ADGRB3: variants seen among roughly 807,000 people sequenced by gnomAD.
ADGRB3 encodes adhesion G protein-coupled receptor B3.
A neutral mutation model predicts 193.4 loss-of-function variants in ADGRB3; 37 were observed. The ratio of observed to expected loss-of-function variants is 0.19; its 90% CI spans 0.15 to 0.25. The LOEUF (loss-of-function observed/expected upper bound fraction) is 0.25. Among genes scored for constraint, ADGRB3 ranks in the 10% least tolerant of loss-of-function variants. The probability of loss-of-function intolerance (pLI) is 1.00; values close to 1 mark genes in which losing one functional copy is unlikely to be tolerated. For missense variants in ADGRB3, 1,637 were observed against 1,852.9 expected (o/e 0.88, Z 2.14); for synonymous variants, 690 against 644.2 (o/e 1.07, Z -1.08).
chr6:69,253,518 G>A (rs1031564538), intron 20 of ADGRB3, among the ~76,000 whole-genome samples: 4 of 152,030 alleles, frequency 2.6e-5, no homozygotes, highest in African/African-American at 9.7e-5. Flanking sequence ...ATTAGATGAG[G>A]ATGCTGAGAA....
intron 10 of ADGRB3, among the ~76,000 whole-genome samples, chr6:68,992,461 C>A (rs1407323849): frequency 6.6e-6 from 1 of 152,132 alleles, no homozygotes; most frequent in African/African-American, 2.4e-5. Flanking sequence ...GTAAATATCA[C>A]TCCATTACCA....
intron 30 of ADGRB3, among the ~76,000 whole-genome samples, chr6:69,379,134 C>T (rs922067656): frequency 2.0e-5 from 3 of 151,846 alleles, no homozygotes; most frequent in African/African-American, 7.3e-5. Context: ...ATCTTTATTG[C>T]AAAAGATGCA....
chr6:68,872,043 T>C (rs201295935), intron 3 of ADGRB3, among the ~76,000 whole-genome samples: 2 of 147,462 alleles, frequency 1.4e-5, no homozygotes, highest in African/African-American at 4.9e-5. Flanking sequence ...GTGATTAAGT[T>C]ATAAATTAAT....
intron 20 of ADGRB3, among the ~76,000 whole-genome samples, chr6:69,297,674 A>G (rs561637992): frequency 6.6e-6 from 1 of 151,980 alleles, no homozygotes; most frequent in African/African-American, 2.4e-5. Context: ...AGAAGGGTGA[A>G]TATGTTGGTA....
At chr6:69,075,893 C>A in intron 16 of ADGRB3, 102 bp from the exon 17 acceptor site, 1 of 870,620 alleles carries the variant, frequency 1.1e-6, no homozygotes, top group Non-Finnish European at 1.8e-6. Context: ...TTTCTTACCA[C>A]AAGATAAGAA....
intron 3 of ADGRB3, among the ~76,000 whole-genome samples, chr6:68,660,824 C>T (rs1415891238): frequency 7.9e-5 from 12 of 150,984 alleles, no homozygotes; most frequent in Non-Finnish European, 3.0e-5. Flanking sequence ...TTCAGCAAAA[C>T]GTTAATTTAA....
intron 17 of ADGRB3, among the ~76,000 whole-genome samples, chr6:69,183,496 A>G (rs949453500): frequency 5.9e-5 from 9 of 152,102 alleles, no homozygotes; most frequent in African/African-American, 2.2e-4. Flanking sequence ...GAAGTGCTCC[A>G]GTAACTTTAA....
At chr6:69,241,833 C>CAA (rs1182123630) in intron 20 of ADGRB3, among the ~76,000 whole-genome samples, 59 of 151,884 alleles carry the variant, frequency 3.9e-4, no homozygotes, top group African/African-American at 1.4e-3. Flanking sequence ...GTTATTGATG[C>CAA]ATTCGGGGAG....
At chr6:68,701,701 A>G (rs1765245768) in intron 3 of ADGRB3, among the ~76,000 whole-genome samples, 1 of 152,112 alleles carries the variant, frequency 6.6e-6, no homozygotes, top group African/African-American at 2.4e-5. Flanking sequence ...ATGGCTTGCA[A>G]AACAACAGGA....
chr6:69,199,584 T>C (rs976246590), intron 17 of ADGRB3, among the ~76,000 whole-genome samples: 2 of 152,108 alleles, frequency 1.3e-5, no homozygotes, highest in Non-Finnish European at 2.9e-5. Context: ...AAAAGTTAAG[T>C]TGGGATTAGC....
intron 17 of ADGRB3, among the ~76,000 whole-genome samples, chr6:69,105,945 G>A (rs1200731348): frequency 1.3e-5 from 2 of 152,020 alleles, no homozygotes; most frequent in South Asian, 2.1e-4. Context: ...GACCAGCCTC[G>A]CCAACATGGT....
In ADGRB3 at chr6:68,993,966, A is replaced by T; in HGVS notation, c.1929+4A>T. 1 of 1,611,372 alleles carries T rather than the reference A, an allele frequency of 6.2e-7. No homozygotes were observed. The highest frequency in any genetic ancestry group is 8.5e-7 in the Non-Finnish European group (1 of 1,177,926). ...CCCTGCATCTGATGGTGTCCAGGTA[A>T]GGGAGACAAGTTCGTGAAGGAAAGG... On this transcript the variant is annotated splice_donor_region_variant and intron_variant, in intron 11 of 31. Coordinates refer to ENST00000370598, the MANE Select transcript of ADGRB3 (RefSeq NM_001704.3).
chr6:68,769,630 A>G (rs1766577012), intron 3 of ADGRB3, among the ~76,000 whole-genome samples: 2 of 152,180 alleles, frequency 1.3e-5, no homozygotes, highest in Admixed American at 1.3e-4. Flanking sequence ...TGCCACGTGT[A>G]TACCTATGTA....
At chr6:69,297,361 TC>T (rs1383052600) in intron 20 of ADGRB3, among the ~76,000 whole-genome samples, 196 of 121,502 alleles carry the variant, frequency 1.6e-3, no homozygotes, top group African/African-American at 6.9e-3. Context: ...TCTCTCTCTC[TC>T]TCTCTTTCTC....
chr6:69,221,639 C>T (rs544704753), intron 17 of ADGRB3, among the ~76,000 whole-genome samples: 1 of 152,252 alleles, frequency 6.6e-6, no homozygotes, highest in East Asian at 1.9e-4. Flanking sequence ...CATATTTCCC[C>T]AAAGCCAGAA....
At chr6:69,083,769 TA>T (rs1193924069) in intron 17 of ADGRB3, among the ~76,000 whole-genome samples, 6 of 131,496 alleles carry the variant, frequency 4.6e-5, no homozygotes, top group Non-Finnish European at 9.4e-5. Context: ...AATTAACTGT[TA>T]CTTTTTTTTT....
intron 3 of ADGRB3, among the ~76,000 whole-genome samples, chr6:68,898,970 G>A (rs1766318861): frequency 6.6e-6 from 1 of 152,102 alleles, no homozygotes; most frequent in Admixed American, 6.6e-5. Flanking sequence ...ACTTTATTGA[G>A]ATATTAGAAC....
At chr6:69,371,849 G>A (rs1381792560) in intron 29 of ADGRB3, among the ~76,000 whole-genome samples, 2 of 152,044 alleles carry the variant, frequency 1.3e-5, no homozygotes, top group African/African-American at 2.4e-5. Flanking sequence ...AGTTCCTTAG[G>A]ACTAGCAATG....
rs1285609231 is a variant in ADGRB3, at chr6:69,187,098, T to A, written c.2481-46192T>A. 2.0e-5 allele frequency among the ~76,000 whole-genome samples: 3 copies of A among 152,034 alleles called. No homozygotes were observed. The East Asian group carries it at 5.8e-4, about 29-fold the overall frequency. ...CTTTTTTTCTGAAATTATAAGAAAC[T>A]CAAAAACAATGCTCACTTTATTATA... On this transcript the variant is annotated intron_variant, in intron 17 of 31. Transcript: ENST00000370598.
Sources: allele counts gnomAD v4.1 joint callset (sites outside exome capture counted in the v4.1 genomes callset), GRCh38; gene constraint gnomAD v4.1.1; transcripts MANE v1.5; gene names NCBI Gene and HGNC (gene_info 2026-07-23, HGNC 2026-07-21).